Variants in GRB7 observed in about 807,000 individuals in gnomAD.
The protein encoded by GRB7 is growth factor receptor bound protein 7, also known as growth factor receptor-bound protein 7.
A neutral mutation model predicts 64.1 loss-of-function variants in GRB7; 47 were observed. That is an observed-to-expected ratio of 0.73 (90% confidence interval 0.58 to 0.94). The LOEUF (loss-of-function observed/expected upper bound fraction) is 0.94. Ranked by LOEUF, GRB7 falls within the 40% of genes least tolerant of loss-of-function variation. The probability of loss-of-function intolerance (pLI) is 0.00; values close to 1 mark genes in which losing one functional copy is unlikely to be tolerated. For synonymous variants in GRB7, 277 were observed against 279.9 expected, an observed-to-expected ratio of 0.99 and a Z score of 0.10; for missense variants, 634 against 718.4, an observed-to-expected ratio of 0.88 and a Z score of 1.34.
rs1482514189 is a variant in GRB7 at position 39,745,993 on chromosome 17, G to A, written c.1351G>A (p.Val451Ile). ...GCGGCTTATTGGACAGCAGGGCTTG[G>A]TAGACGGGTAAGGGGCAGGGCCGGG... ...SQRLIGQQGLVDGLFLVRESQ... is the reference protein window; with the variant it reads ...SQRLIGQQGLIDGLFLVRESQ... Residue 451 changes from valine to isoleucine, a missense_variant, in exon 13 of 15, where the codon GTA becomes ATA. By Grantham distance (29) the Val-to-Ile change is conservative. Coordinates refer to ENST00000309156, the MANE Select transcript of GRB7 (RefSeq NM_005310.5). The A allele has an allele frequency of 6.2e-7, 1 of 1,613,926 alleles. No individual in the cohort carries two copies. Among genetic ancestry groups the A allele is most frequent in the Non-Finnish European group, 8.5e-7 (1 of 1,179,938 alleles).
At chr17:39,744,017 G>A (rs1180871170) in intron 6 of GRB7, 53 bp from the exon 7 acceptor site, 1 of 1,597,038 alleles carries the variant, frequency 6.3e-7, no homozygotes, top group Non-Finnish European at 8.5e-7. Flanking sequence ...TGGTGGTAGA[G>A]GGGAAGGGAG....
chr17:39,742,573 C>A lies in GRB7; in HGVS notation c.163C>A (p.Arg55=), dbSNP rs1249376854. Residue 55 remains arginine (R), a synonymous_variant, in exon 3 of 15, where the codon CGA becomes AGA. Transcript: ENST00000309156. ...TTTTTCTTCTTGCCACAGGAAACTT[C>A]GAGAGGAGGAGAGGCGTGCCACCTC... ...LLIPTTGRKL[R]EEERRATSLP... is the part of the protein sequence containing the mutation. 3.1e-6 allele frequency: 5 copies of A among 1,613,776 alleles called. No individual in the cohort carries two copies. The highest frequency in any genetic ancestry group is 4.2e-6 in the Non-Finnish European group (5 of 1,179,990).
chr17:39,739,758 G>T (rs1228275476), intron 1 of GRB7, among the ~76,000 whole-genome samples: 1 of 152,224 alleles, frequency 6.6e-6, no homozygotes, highest in Non-Finnish European at 1.5e-5. Flanking sequence ...AGCCACGGAC[G>T]GAGTTACCTC....
At chr17:39,746,461 T>C (rs1395705659) in intron 14 of GRB7, among the ~76,000 whole-genome samples, 1 of 151,098 alleles carries the variant, frequency 6.6e-6, no homozygotes, top group African/African-American at 2.4e-5. Flanking sequence ...TACAAATAAT[T>C]TAAAAATGAG....
In GRB7 at chr17:39,746,730, AC is replaced by A. The variant is rs761294777; in HGVS notation, c.1453-16del. 1 of 1,609,798 alleles carries A rather than the reference AC, an allele frequency of 6.2e-7. No homozygotes were observed. Among genetic ancestry groups the A allele is most frequent in the Non-Finnish European group, 8.5e-7 (1 of 1,177,190 alleles). ...GCCTCGGGCCCCTCCCTGAACTTCC[AC>A]CCCCTTTACTGTACCCCAGAGCGAG... On this transcript the variant is annotated intron_variant, in intron 14 of 14. Coordinates refer to ENST00000309156, the MANE Select transcript of GRB7 (RefSeq NM_005310.5).
At chr17:39,746,087 C>T (rs1163717546) in intron 13 of GRB7, 22 bp from the exon 14 acceptor site, 8 of 1,612,664 alleles carry the variant, frequency 5.0e-6, no homozygotes, top group Non-Finnish European at 6.8e-6. Flanking sequence ...GTAATGCTGC[C>T]CCATCTCCTG....
intron 5 of GRB7, 41 bp from the exon 6 acceptor site, chr17:39,743,352 G>A (rs1303675383): frequency 6.2e-7 from 1 of 1,614,170 alleles, no homozygotes; most frequent in Non-Finnish European, 8.5e-7. Flanking sequence ...TCCTCAACCT[G>A]GATGCTGGAG....
At chr17:39,744,714 C>A in intron 8 of GRB7, 51 bp downstream of exon 8, 2 of 1,491,932 alleles carry the variant, frequency 1.3e-6, no homozygotes, top group South Asian at 2.4e-5. Context: ...AGGAACTGCT[C>A]AGGCCCCTGG....
intron 14 of GRB7, among the ~76,000 whole-genome samples, chr17:39,746,521 T>C (rs2060047941): frequency 6.7e-6 from 1 of 150,060 alleles, no homozygotes; most frequent in Admixed American, 6.6e-5. Context: ...GAGGCTGAGG[T>C]GGGAGCATTG....
intron 8 of GRB7, 74 bp from the exon 9 acceptor site, chr17:39,744,812 C>A: frequency 7.1e-7 from 1 of 1,402,792 alleles, no homozygotes; most frequent in Non-Finnish European, 1.0e-6. Context: ...GGATTCAGCT[C>A]TGCTATGTGG....
At chr17:39,746,281 C>A in intron 14 of GRB7, 79 bp downstream of exon 14, 1 of 1,158,262 alleles carries the variant, frequency 8.6e-7, no homozygotes, top group Non-Finnish European at 1.3e-6. Flanking sequence ...CAGGCCCCTC[C>A]AGAGGCTCCC....
chr17:39,738,950 A>G (rs1170544344), intron 1 of GRB7: 16 of 1,533,982 alleles, frequency 1.0e-5, no homozygotes, highest in Non-Finnish European at 1.4e-5. Flanking sequence ...TCCTGGCTTC[A>G]GCATGAAATG....
Position 39,746,120 on chromosome 17 carries a change from T to C in GRB7, c.1370T>C (p.Val457Ala), listed in dbSNP as rs143372931. Reference sequence around the variant, plus strand: ...CTGTCTTCTGGCAGCCTGTTCCTGGTCCGGGAGAGTCAGCGGAACCCCCAG... The same window carrying C: ...CTGTCTTCTGGCAGCCTGTTCCTGGCCCGGGAGAGTCAGCGGAACCCCCAG... ...QQGLVDGLFL[V>A]RESQRNPQGF... is the part of the protein sequence containing the mutation. Residue 457 changes from valine to alanine, a missense_variant, in exon 14 of 15, where the codon GTC (valine) becomes GCC (alanine). This residue lies in a region of GRB7 where 467 missense variants were observed against 576.6 expected (regional missense o/e 0.81). Transcript: ENST00000309156. 4.7e-4 allele frequency: 754 copies of C among 1,614,034 alleles called. 1 individual carries two copies. The highest frequency in any genetic ancestry group is 5.7e-4 in the Non-Finnish European group (677 of 1,179,952).
chr17:39,739,024 G>C (rs1441536794), intron 1 of GRB7: 1 of 1,055,714 alleles, frequency 9.5e-7, no homozygotes, highest in Non-Finnish European at 1.3e-6. Flanking sequence ...GGAGAGTGGG[G>C]TGGGGGATAG....
chr17:39,743,572 A>G (rs1227835298), intron 6 of GRB7, 102 bp downstream of exon 6: 11 of 929,034 alleles, frequency 1.2e-5, no homozygotes, highest in Non-Finnish European at 1.8e-5. Context: ...TTGTAGAAAG[A>G]GCCAAATCAC....
rs137940937 is a variant in GRB7 at position 39,746,884 on chromosome 17, G to A, written c.1586G>A (p.Arg529Gln). 1.0e-4 allele frequency: 165 copies of A among 1,609,252 alleles called. No individual in the cohort carries two copies. The highest frequency in any genetic ancestry group is 1.3e-4 in the Non-Finnish European group (157 of 1,179,802). ...LPCLLRHCCTRVAL is the reference protein window; with the variant it reads ...LPCLLRHCCTQVAL Reference sequence around the variant, plus strand: ...TGCTTGCTGCGCCATTGCTGCACGCGGGTGGCCCTCTGACCAGGCCGTGGA... The same window carrying A: ...TGCTTGCTGCGCCATTGCTGCACGCAGGTGGCCCTCTGACCAGGCCGTGGA... Residue 529 changes from arginine (R) to glutamine (Q), a missense_variant, in exon 15 of 15, where the codon CGG (arginine) becomes CAG (glutamine). This residue lies in a region of GRB7 where 467 missense variants were observed against 576.6 expected (regional missense o/e 0.81). Coordinates refer to ENST00000309156, the MANE Select transcript of GRB7 (RefSeq NM_005310.5).
In GRB7 at chr17:39,746,769, C is replaced by G. The variant is rs2060051360; in HGVS notation, c.1471C>G (p.Leu491Val). The G allele has an allele frequency of 6.2e-7, 1 of 1,614,128 alleles. No individual in the cohort carries two copies. The highest frequency in any genetic ancestry group is 1.1e-5 in the South Asian group (1 of 91,090). ...LILPSEEEGR[L>V]YFSMDDGQTR... ...ACCCCAGAGCGAGGAGGAGGGCCGC[C>G]TGTACTTCAGCATGGATGATGGCCA... is the stretch of plus-strand genomic sequence containing the variant. Residue 491 changes from leucine (L) to valine (V), a missense_variant, in exon 15 of 15, where the codon CTG becomes GTG. Around this residue, in one of 2 missense-constraint regions of GRB7, gnomAD observed 467 missense variants for 576.6 expected, o/e 0.81. Transcript: ENST00000309156.
chr17:39,742,825 G>T, intron 3 of GRB7, 73 bp from the exon 4 acceptor site: 1 of 1,536,244 alleles, frequency 6.5e-7, no homozygotes, highest in East Asian at 2.3e-5. Flanking sequence ...GTCCCTGAGG[G>T]TCTAGCAGGT....
Position 39,746,990 on chromosome 17 carries a change from G to A in GRB7, c.*93G>A. 1.4e-6 allele frequency: 2 copies of A among 1,390,342 alleles called. No individual in the cohort carries two copies. Among genetic ancestry groups the A allele is most frequent in the Non-Finnish European group, 2.0e-6 (2 of 1,020,648 alleles). The allele number at this position is 1,390,342 out of a possible 1,614,324, so 86.1% of individuals were successfully genotyped here. On this transcript the variant is annotated 3_prime_UTR_variant, in exon 15 of 15. Transcript: ENST00000309156. ...TGGACTCTGGGGCGCGGCCACAGGGGACGGGATGAGGAGCGGGAGGGTTCC... is the reference window on the plus strand; with the variant it reads ...TGGACTCTGGGGCGCGGCCACAGGGAACGGGATGAGGAGCGGGAGGGTTCC...
Sources: allele counts gnomAD v4.1 joint callset (sites outside exome capture counted in the v4.1 genomes callset), GRCh38; gene constraint gnomAD v4.1.1; regional missense constraint gnomAD v4.1.1; transcripts MANE v1.5; gene names NCBI Gene and HGNC (gene_info 2026-07-23, HGNC 2026-07-21).